Variants in UNC5D observed in about 807,000 individuals in gnomAD.
The protein encoded by UNC5D is netrin receptor UNC5D.
Under a neutral mutation model 105.4 loss-of-function variants are expected in UNC5D, and 39 were observed. That is an observed-to-expected ratio of 0.37 (90% CI 0.29 to 0.48). The LOEUF (loss-of-function observed/expected upper bound fraction) is 0.48, where lower values mean the gene tolerates loss of function less well. Ranked by LOEUF, UNC5D falls within the 20% of genes least tolerant of loss-of-function variation. The pLI is 0.98. For synonymous variants in UNC5D, 452 were observed against 450.4 expected, an observed-to-expected ratio of 1.00 and a Z score of -0.04; for missense variants, 991 against 1,202.4, an observed-to-expected ratio of 0.82 and a Z score of 2.60.
intron 4 of UNC5D, among the ~76,000 whole-genome samples, chr8:35,632,807 CA>C (rs1822124052): frequency 6.6e-6 from 1 of 152,146 alleles, no homozygotes; most frequent in Non-Finnish European, 1.5e-5. Flanking sequence ...TAGGCTGGCC[CA>C]CGAGGGTGTG....
intron 4 of UNC5D, among the ~76,000 whole-genome samples, chr8:35,665,219 A>G (rs1043700283): frequency 1.1e-4 from 17 of 152,168 alleles, no homozygotes; most frequent in Admixed American, 9.2e-4. Flanking sequence ...TGTGCTATTC[A>G]AGCTTTCATC....
At chr8:35,525,400 T>A in intron 1 of UNC5D, 1 of 1,612,184 alleles carries the variant, frequency 6.2e-7, no homozygotes, top group Non-Finnish European at 8.5e-7. Context: ...TTAATGGTCT[T>A]GTGAATGGTC....
At chr8:35,574,316 G>A (rs1198707112) in intron 3 of UNC5D, among the ~76,000 whole-genome samples, 1 of 152,110 alleles carries the variant, frequency 6.6e-6, no homozygotes, top group African/African-American at 2.4e-5. Flanking sequence ...AGTCAAGCCT[G>A]TTATAGCAAG....
intron 1 of UNC5D, among the ~76,000 whole-genome samples, chr8:35,462,919 C>A (rs556549069): frequency 2.0e-5 from 3 of 152,262 alleles, no homozygotes; most frequent in Non-Finnish European, 4.4e-5. Flanking sequence ...AAAGGTATAA[C>A]CATCTCGGGC....
At chr8:35,282,615 C>T (rs1806271129) in intron 1 of UNC5D, among the ~76,000 whole-genome samples, 1 of 150,778 alleles carries the variant, frequency 6.6e-6, no homozygotes, top group Non-Finnish European at 1.5e-5. Context: ...TGATTCGGCA[C>T]CATAATATCT....
intron 1 of UNC5D, among the ~76,000 whole-genome samples, chr8:35,386,214 T>C (rs1803389444): frequency 6.6e-6 from 1 of 152,202 alleles, no homozygotes; most frequent in African/African-American, 2.4e-5. Context: ...CTGATTTTTT[T>C]AAGCCACTTA....
intron 4 of UNC5D, among the ~76,000 whole-genome samples, chr8:35,678,805 C>CT (rs1449191954): frequency 6.6e-6 from 1 of 152,016 alleles, no homozygotes; most frequent in Non-Finnish European, 1.5e-5. Flanking sequence ...CTTTTTTCCT[C>CT]TTTTTTGTTC....
chr8:35,553,465 T>C (rs1236239087), intron 2 of UNC5D, among the ~76,000 whole-genome samples: 1 of 152,190 alleles, frequency 6.6e-6, no homozygotes, highest in Admixed American at 6.5e-5. Flanking sequence ...TTTAAAAATA[T>C]GCTGTTGAGA....
At chr8:35,236,518 C>G (rs1405248889) in intron 1 of UNC5D, among the ~76,000 whole-genome samples, 1 of 152,150 alleles carries the variant, frequency 6.6e-6, no homozygotes, top group Non-Finnish European at 1.5e-5. Context: ...GCACTTGGCC[C>G]GAGGCTGCTC....
chr8:35,437,763 A>G (rs1192371555), intron 1 of UNC5D, among the ~76,000 whole-genome samples: 1 of 151,858 alleles, frequency 6.6e-6, no homozygotes, highest in Non-Finnish European at 1.5e-5. Flanking sequence ...TTGTCATTGG[A>G]TTACAGTGTC....
chr8:35,443,818 G>T (rs1016315556), intron 1 of UNC5D, among the ~76,000 whole-genome samples: 1 of 151,932 alleles, frequency 6.6e-6, no homozygotes, highest in Admixed American at 6.6e-5. Flanking sequence ...CTCCATGGAA[G>T]TGTATCAAAA....
At chr8:35,259,102 G>C (rs930656593) in intron 1 of UNC5D, among the ~76,000 whole-genome samples, 1 of 152,188 alleles carries the variant, frequency 6.6e-6, no homozygotes, top group Non-Finnish European at 1.5e-5. Flanking sequence ...GCAGTTAAGT[G>C]TTGGTTTGTT....
intron 1 of UNC5D, among the ~76,000 whole-genome samples, chr8:35,399,547 A>G (rs1804321704): frequency 6.6e-6 from 1 of 152,214 alleles, no homozygotes; most frequent in Admixed American, 6.5e-5. Context: ...AAACTCATTT[A>G]TAAGCCAGTT....
intron 3 of UNC5D, among the ~76,000 whole-genome samples, chr8:35,586,443 A>G (rs1818799186): frequency 6.6e-6 from 1 of 152,196 alleles, no homozygotes; most frequent in African/African-American, 2.4e-5. Context: ...GAAGCCAGTA[A>G]CTGACTTCTT....
intron 1 of UNC5D, among the ~76,000 whole-genome samples, chr8:35,405,423 A>G (rs1198898750): frequency 6.6e-6 from 1 of 152,220 alleles, no homozygotes; most frequent in African/African-American, 2.4e-5. Context: ...AGCTGAGCCT[A>G]TGATGCCCAT....
At chr8:35,338,532 T>C (rs971617767) in intron 1 of UNC5D, among the ~76,000 whole-genome samples, 4 of 152,172 alleles carry the variant, frequency 2.6e-5, no homozygotes, top group South Asian at 2.1e-4. Context: ...ATACTTATAC[T>C]GAGATTTTTC....
Position 35,235,876 on chromosome 8 carries a change from C to T in UNC5D, c.92C>T (p.Ala31Val). 1 of 1,228,712 alleles carries T rather than the reference C, an allele frequency of 8.1e-7. No individual in the cohort carries two copies. Among genetic ancestry groups the T allele is most frequent in the Non-Finnish European group, 1.0e-6 (1 of 985,916 alleles). 76.1% of individuals were successfully genotyped at this position (1,228,712 alleles called of 1,614,324 possible). ...CTGTGCTTCTGGGCGGCAGGGACCG[C>T]GGCTGCCCGAGGTAAGCGCTGGGCG... The part of the protein sequence containing the change: ...LGLCFWAAGT[A>V]AARGTDNGEA... The change falls in exon 1 of 17, where the codon GCG (alanine) becomes GTG (valine). Residue 31 changes from alanine (A) to valine (V), a missense_variant. This residue lies in a region of UNC5D where 944 missense variants were observed against 1,131.6 expected (regional missense o/e 0.83). Transcript: ENST00000404895.
chr8:35,586,854 G>A (rs763126193), intron 3 of UNC5D, among the ~76,000 whole-genome samples: 40 of 152,182 alleles, frequency 2.6e-4, no homozygotes, highest in Non-Finnish European at 3.2e-4. Context: ...TGAATGAGCC[G>A]ATAACTCCCT....
chr8:35,317,733 G>A (rs542214494), intron 1 of UNC5D, among the ~76,000 whole-genome samples: 2 of 151,882 alleles, frequency 1.3e-5, no homozygotes, highest in Admixed American at 1.3e-4. Flanking sequence ...CATATTTTAC[G>A]TGACGTAAAT....
Sources: allele counts gnomAD v4.1 joint callset (sites outside exome capture counted in the v4.1 genomes callset), GRCh38; gene constraint gnomAD v4.1.1; regional missense constraint gnomAD v4.1.1; transcripts MANE v1.5; gene names NCBI Gene and HGNC (gene_info 2026-07-23, HGNC 2026-07-21).